COL25A1: variants seen among roughly 807,000 people sequenced by gnomAD.
The protein encoded by COL25A1 is collagen alpha-1(XXV) chain.
In COL25A1, 103 loss-of-function variants were observed where a neutral mutation model predicts 128.4. That is an observed-to-expected ratio of 0.80 (90% CI 0.68 to 0.94). The LOEUF is 0.94. Among genes scored for constraint, COL25A1 ranks in the 40% least tolerant of loss-of-function variants. COL25A1 has a pLI of 0.00. For missense variants in COL25A1, 745 were observed against 840.0 expected, an observed-to-expected ratio of 0.89 and a Z score of 1.40; for synonymous variants, 279 against 277.2, an observed-to-expected ratio of 1.01 and a Z score of -0.06.
At chr4:109,029,595 GTGTA>G (rs1387746690) in intron 5 of COL25A1, among the ~76,000 whole-genome samples, 6 of 152,070 alleles carry the variant, frequency 3.9e-5, no homozygotes. Context: ...CTTTATATAG[GTGTA>G]TGTGTGTGGT....
chr4:109,016,338 T>C (rs969679132), intron 5 of COL25A1, among the ~76,000 whole-genome samples: 1 of 152,258 alleles, frequency 6.6e-6, no homozygotes, highest in African/African-American at 2.4e-5. Context: ...CCAGTGGGGC[T>C]GAGGGCAGCG....
At chr4:108,839,726 T>A (rs1734210552) in intron 31 of COL25A1, among the ~76,000 whole-genome samples, 1 of 152,206 alleles carries the variant, frequency 6.6e-6, no homozygotes, top group Non-Finnish European at 1.5e-5. Flanking sequence ...TGCATAGATA[T>A]CTATGAGGTC....
Position 108,899,886 on chromosome 4 carries a change from C to T in COL25A1, c.835-706G>A, listed in dbSNP as rs1164345851. 3.9e-5 allele frequency among the ~76,000 whole-genome samples: 6 copies of T among 152,040 alleles called. No individual in the cohort carries two copies. The South Asian group carries it at 8.3e-4, about 21-fold the overall frequency. On this transcript the variant is annotated intron_variant, in intron 14 of 37. Transcript: ENST00000399132. Reference sequence around the variant, plus strand: ...CAAAATGGTGCCCTGAAGAGAATCTCATTTTCACTTTACCCAGGAAAGGAC... The same window carrying T: ...CAAAATGGTGCCCTGAAGAGAATCTTATTTTCACTTTACCCAGGAAAGGAC...
chr4:108,985,538 G>A (rs149242916), intron 6 of COL25A1, among the ~76,000 whole-genome samples: 5 of 152,310 alleles, frequency 3.3e-5, no homozygotes, highest in African/African-American at 1.2e-4. Context: ...ATAAACATGA[G>A]TTGAAATACA....
intron 13 of COL25A1, among the ~76,000 whole-genome samples, chr4:108,901,447 C>T (rs955957415): frequency 6.6e-6 from 1 of 152,022 alleles, no homozygotes; most frequent in Admixed American, 6.6e-5. Flanking sequence ...TTGCTGGGTA[C>T]ATTGTGAACA....
At chr4:108,853,381 C>A (rs541730698) in intron 24 of COL25A1, among the ~76,000 whole-genome samples, 1 of 67,026 alleles carries the variant, frequency 1.5e-5, no homozygotes, top group East Asian at 5.3e-4. Context: ...TGTGTTTGTG[C>A]GTGTGTGTGT....
At chr4:108,937,163 C>T (rs1747518382) in intron 11 of COL25A1, among the ~76,000 whole-genome samples, 2 of 152,050 alleles carry the variant, frequency 1.3e-5, no homozygotes, top group South Asian at 4.1e-4. Context: ...ATTAGAAAGG[C>T]AGCTCAGGAG....
chr4:109,127,151 C>T (rs1447444632), intron 3 of COL25A1, among the ~76,000 whole-genome samples: 2 of 152,120 alleles, frequency 1.3e-5, no homozygotes, highest in Non-Finnish European at 2.9e-5. Context: ...TACACTGGCA[C>T]AGTATATTAT....
intron 4 of COL25A1, 111 bp downstream of exon 4, chr4:109,050,024 A>C: frequency 1.3e-6 from 1 of 765,780 alleles, no homozygotes; most frequent in Non-Finnish European, 2.1e-6. Context: ...GAAAGATTTA[A>C]ACACACACAT....
chr4:108,894,492 A>G (rs1741907481), intron 16 of COL25A1, among the ~76,000 whole-genome samples: 1 of 152,216 alleles, frequency 6.6e-6, no homozygotes, highest in Non-Finnish European at 1.5e-5. Flanking sequence ...AAAAATCAAA[A>G]TAACAATAAT....
intron 18 of COL25A1, among the ~76,000 whole-genome samples, chr4:108,888,746 T>C (rs1741108615): frequency 6.6e-6 from 1 of 152,286 alleles, no homozygotes; most frequent in South Asian, 2.1e-4. Context: ...TAAAAAATTA[T>C]CAGTATGGAA....
chr4:109,229,101 G>T (rs1343734858), intron 3 of COL25A1, among the ~76,000 whole-genome samples: 1 of 152,096 alleles, frequency 6.6e-6, no homozygotes, highest in African/African-American at 2.4e-5. Context: ...CCCCAGAGAG[G>T]CATCTGCTAA....
intron 15 of COL25A1, 143 bp downstream of exon 15, chr4:108,899,007 CTATA>C (rs1742501704): frequency 1.4e-5 from 9 of 629,504 alleles, no homozygotes; most frequent in African/African-American, 3.7e-5. Context: ...ATCTATATAT[CTATA>C]TACCTACCTA....
At chr4:108,869,569 T>C (rs572507243) in intron 19 of COL25A1, among the ~76,000 whole-genome samples, 1 of 152,088 alleles carries the variant, frequency 6.6e-6, no homozygotes, top group African/African-American at 2.4e-5. Flanking sequence ...AGTGCCAGAA[T>C]AGGATCGAAT....
chr4:109,292,231 C>T (rs1724540652), intron 3 of COL25A1, among the ~76,000 whole-genome samples: 1 of 151,988 alleles, frequency 6.6e-6, no homozygotes, highest in Non-Finnish European at 1.5e-5. Flanking sequence ...ACATTGCTTC[C>T]AATTTCATAT....
intron 35 of COL25A1, chr4:108,823,916 T>G: frequency 7.2e-7 from 1 of 1,398,444 alleles, no homozygotes; most frequent in Non-Finnish European, 9.2e-7. Flanking sequence ...TAAATTGGTG[T>G]CAGGTGGTTG....
chr4:109,108,193 A>G (rs930999969), intron 3 of COL25A1, among the ~76,000 whole-genome samples: 2 of 152,002 alleles, frequency 1.3e-5, no homozygotes, highest in Non-Finnish European at 2.9e-5. Flanking sequence ...CCCCCACCCC[A>G]CAACAGGCCC....
At chr4:109,101,116 T>C (rs903084224) in intron 3 of COL25A1, among the ~76,000 whole-genome samples, 1 of 151,972 alleles carries the variant, frequency 6.6e-6, no homozygotes, top group Non-Finnish European at 1.5e-5. Context: ...TTCCCCTTTA[T>C]AGTGTGATGA....
intron 25 of COL25A1, among the ~76,000 whole-genome samples, 166 bp from the exon 26 acceptor site, chr4:108,852,446 A>C (rs1387250425): frequency 6.6e-6 from 1 of 152,164 alleles, no homozygotes. Flanking sequence ...ATTAGAAAAA[A>C]ACACCTATTT....
Sources: allele counts gnomAD v4.1 joint callset (sites outside exome capture counted in the v4.1 genomes callset), GRCh38; gene constraint gnomAD v4.1.1; transcripts MANE v1.5; gene names NCBI Gene and HGNC (gene_info 2026-07-23, HGNC 2026-07-21).